The following TBCK variants were observed in gnomAD, a reference collection of about 807,000 sequenced individuals.
TBCK encodes the protein TBC1 domain containing kinase, also known as TBC domain-containing protein kinase-like protein.
In TBCK, 99 loss-of-function variants were observed where a neutral mutation model predicts 113.4. The observed-to-expected ratio is 0.87, with a 90% CI of 0.74 to 1.03. TBCK has a LOEUF of 1.03. TBCK is among the 50% of genes least tolerant of loss of function. The pLI, the probability that TBCK is intolerant of heterozygous loss-of-function variation, is 0.00. For synonymous variants in TBCK, 369 were observed against 370.8 expected (o/e 1.00, Z 0.05); for missense variants, 1,045 against 1,061.3 (o/e 0.98, Z 0.21).
At chr4:106,242,634 A>G (rs1193864094) in intron 11 of TBCK, 65 bp from the exon 12 acceptor site, 4 of 1,162,628 alleles carry the variant, frequency 3.4e-6, no homozygotes, top group Non-Finnish European at 3.6e-6. Flanking sequence ...TCTAGAAAGT[A>G]AAGTTTATTC....
intron 19 of TBCK, among the ~76,000 whole-genome samples, chr4:106,217,837 A>G (rs1757154067): frequency 6.7e-6 from 1 of 149,396 alleles, no homozygotes; most frequent in Non-Finnish European, 1.5e-5. Context: ...AAAGCTACCA[A>G]TGACTTTCTT....
chr4:106,277,901 A>C lies in TBCK; in HGVS notation c.267-15689T>G, dbSNP rs185698465. ...CATATTGAAATGTAGTTAGTTGTAT[A>C]CATGCTAAACTATTTAGGAATGAAG... On this transcript the variant is annotated intron_variant, in intron 3 of 25. Transcript: ENST00000394708. 1.1e-4 allele frequency among the ~76,000 whole-genome samples: 17 copies of C among 152,360 alleles called. No homozygotes were observed. The East Asian group carries it at 3.1e-3, about 28-fold the overall frequency.
At chr4:106,211,047 C>A (rs1002715182) in intron 20 of TBCK, among the ~76,000 whole-genome samples, 1 of 152,092 alleles carries the variant, frequency 6.6e-6, no homozygotes, top group Non-Finnish European at 1.5e-5. Flanking sequence ...CCTGCCTCAG[C>A]CTTTCAAGCA....
intron 20 of TBCK, among the ~76,000 whole-genome samples, chr4:106,203,607 C>T (rs6848855): frequency 0.94 from 143,112 of 151,832 alleles, 67,703 homozygotes; most frequent in Non-Finnish European, 0.97. Context: ...TATTTATTCT[C>T]AGTTGGCTTA....
chr4:106,235,575 T>A (rs982706127), intron 14 of TBCK, among the ~76,000 whole-genome samples: 1 of 151,932 alleles, frequency 6.6e-6, no homozygotes, highest in Admixed American at 6.6e-5. Context: ...TCGTATTATA[T>A]AATTAAGAAG....
At position 106,258,945 on chromosome 4, in the gene TBCK, G is replaced by A. The variant is rs1037244585; in HGVS notation, c.455+1492C>T. On this transcript the variant is annotated intron_variant, in intron 5 of 25. Transcript: ENST00000394708. ...TTTTCATGCTTATGAAACAAGAATT[G>A]GTTTTTGCCTGTAAGTTTTCAATAC... is the stretch of plus-strand genomic sequence containing the variant. 5.9e-5 allele frequency among the ~76,000 whole-genome samples: 9 copies of A among 151,884 alleles called. No individual in the cohort carries two copies. The East Asian group carries it at 1.7e-3, about 29-fold the overall frequency.
chr4:106,212,724 G>A (rs757538035), intron 20 of TBCK, 26 bp downstream of exon 20: 17 of 1,471,932 alleles, frequency 1.2e-5, no homozygotes, highest in East Asian at 4.6e-5. Context: ...TTAACCACAT[G>A]TTCTATTAAT....
intron 20 of TBCK, among the ~76,000 whole-genome samples, chr4:106,204,416 T>C (rs932213014): frequency 6.6e-6 from 1 of 152,174 alleles, no homozygotes; most frequent in Admixed American, 6.5e-5. Flanking sequence ...CAAAGCTATT[T>C]TTGTAATAAT....
intron 3 of TBCK, among the ~76,000 whole-genome samples, chr4:106,275,299 T>C (rs1763909189): frequency 6.6e-6 from 1 of 152,168 alleles, no homozygotes; most frequent in South Asian, 2.1e-4. Context: ...AAAAGGCATA[T>C]ATAAAAACCT....
At chr4:106,234,761 AC>A (rs1759262841) in intron 15 of TBCK, among the ~76,000 whole-genome samples, 1 of 152,154 alleles carries the variant, frequency 6.6e-6, no homozygotes, top group Admixed American at 6.5e-5. Context: ...ATTGCAGGCC[AC>A]CATAATTTGT....
At chr4:106,158,260 G>A (rs1396784105) in intron 23 of TBCK, among the ~76,000 whole-genome samples, 2 of 152,094 alleles carry the variant, frequency 1.3e-5, no homozygotes, top group Non-Finnish European at 2.9e-5. Context: ...TCAGAAAATT[G>A]TACAACAGGC....
Position 106,308,894 on chromosome 4 carries a change from C to T in TBCK, c.67G>A (p.Val23Ile), listed in dbSNP as rs745914978. ...AGAGGAAGTCCATTGCTTCCACAAA[C>T]ATCATGTGGCAGAGCCGAGGCAAAG... ...TFFASALPHD[V>I]CGSNGLPLTP... The change falls in exon 2 of 26, where the codon GTT becomes ATT. Residue 23 changes from valine (V) to isoleucine (I), a missense_variant. By Grantham distance (29) the Val-to-Ile change is conservative. Coordinates refer to ENST00000394708, the MANE Select transcript of TBCK (RefSeq NM_001163435.3). 1.9e-5 allele frequency: 31 copies of T among 1,614,004 alleles called. No homozygotes were observed. Among genetic ancestry groups the T allele is most frequent in the Admixed American group, 3.3e-5 (2 of 59,998 alleles).
chr4:106,120,338 G>A (rs1026682029), intron 23 of TBCK, among the ~76,000 whole-genome samples: 1 of 152,072 alleles, frequency 6.6e-6, no homozygotes, highest in African/African-American at 2.4e-5. Flanking sequence ...CTCGCTGATT[G>A]CTAGCACAGC....
At chr4:106,197,776 A>AC (rs1274082104) in intron 20 of TBCK, among the ~76,000 whole-genome samples, 1 of 152,008 alleles carries the variant, frequency 6.6e-6, no homozygotes, top group South Asian at 2.1e-4. Context: ...TCTTTTTTCT[A>AC]CCAACACCAT....
At chr4:106,271,373 CTG>C (rs1417241903) in intron 3 of TBCK, among the ~76,000 whole-genome samples, 1 of 152,076 alleles carries the variant, frequency 6.6e-6, no homozygotes, top group South Asian at 2.1e-4. Context: ...TTAGGTTCTC[CTG>C]TGTGTGTTGT....
chr4:106,169,491 A>G (rs1304008605), intron 23 of TBCK, among the ~76,000 whole-genome samples: 1 of 152,096 alleles, frequency 6.6e-6, no homozygotes, highest in African/African-American at 2.4e-5. Flanking sequence ...ATATAATTCA[A>G]AATTTGAAAC....
chr4:106,291,816 C>T (rs1302206615), intron 3 of TBCK, among the ~76,000 whole-genome samples: 1 of 152,172 alleles, frequency 6.6e-6, no homozygotes, highest in South Asian at 2.1e-4. Flanking sequence ...TTTCGACTAG[C>T]ACCATAACTA....
intron 3 of TBCK, among the ~76,000 whole-genome samples, chr4:106,267,568 C>T (rs1475782825): frequency 6.6e-6 from 1 of 151,838 alleles, no homozygotes; most frequent in East Asian, 1.9e-4. Flanking sequence ...TTACTTATAA[C>T]ATTGGTGAGA....
At chr4:106,120,782 A>G (rs1404671227) in intron 23 of TBCK, among the ~76,000 whole-genome samples, 1 of 152,146 alleles carries the variant, frequency 6.6e-6, no homozygotes. Flanking sequence ...AAACTAACAA[A>G]CAGAAAGGAC....
Sources: allele counts gnomAD v4.1 joint callset (sites outside exome capture counted in the v4.1 genomes callset), GRCh38; gene constraint gnomAD v4.1.1; transcripts MANE v1.5; gene names NCBI Gene and HGNC (gene_info 2026-07-23, HGNC 2026-07-21).